The following IKBKE variants were observed in gnomAD, a reference collection of about 807,000 sequenced individuals.
IKBKE encodes the protein inhibitor of nuclear factor kappa-B kinase subunit epsilon.
Under a neutral mutation model 92.1 loss-of-function variants are expected in IKBKE, and 45 were observed. That is an observed-to-expected ratio of 0.49 (90% CI 0.38 to 0.63). The LOEUF (loss-of-function observed/expected upper bound fraction) is 0.63. Among genes scored for constraint, IKBKE ranks in the 20% least tolerant of loss-of-function variants. The pLI is 0.00. For synonymous variants in IKBKE, 374 were observed against 380.3 expected, an observed-to-expected ratio of 0.98 and a Z score of 0.19; for missense variants, 700 against 932.8, an observed-to-expected ratio of 0.75 and a Z score of 3.25.
In IKBKE at chr1:206,476,230, C is replaced by G. The variant is rs782697959; in HGVS notation, c.408C>G (p.Ile136Met). 2 of 1,614,174 alleles carry G rather than the reference C, an allele frequency of 1.2e-6. No individual in the cohort carries two copies. The highest frequency in any genetic ancestry group is 1.7e-6 in the Non-Finnish European group (2 of 1,180,032). ...AGAACGGCATTGTGCATCGCGACAT[C>G]AAGCCGGGGAACATCATGCGCCTCG... Reference protein sequence around the residue: ...LRENGIVHRDIKPGNIMRLVG... With the variant: ...LRENGIVHRDMKPGNIMRLVG... Residue 136 changes from isoleucine to methionine, a missense_variant, in exon 6 of 22, where the codon ATC (isoleucine) becomes ATG (methionine). Physicochemically the swap from Ile to Met is conservative, Grantham distance 10. Transcript: ENST00000581977. The surrounding 1 kb of genome is among the most constrained non-coding windows in gnomAD (Gnocchi z 5.1).
At position 206,476,452 on chromosome 1, in the gene IKBKE, C is replaced by A; in HGVS notation, c.540+90C>A. ...AGAGCCCCCATGAGGGGGTGTGGCCCACCTCCTGCTTCCACAGGAGTTATG... is the reference window on the plus strand; with the variant it reads ...AGAGCCCCCATGAGGGGGTGTGGCCAACCTCCTGCTTCCACAGGAGTTATG... On this transcript the variant is annotated intron_variant, in intron 6 of 21. Transcript: ENST00000581977. The surrounding 1 kb of genome is among the most constrained non-coding windows in gnomAD (Gnocchi z 5.1). 1 of 1,347,704 alleles carries A rather than the reference C, an allele frequency of 7.4e-7. No homozygotes were observed. Among genetic ancestry groups the A allele is most frequent in the Non-Finnish European group, 1.0e-6 (1 of 965,982 alleles). 83.5% of individuals were successfully genotyped at this position (1,347,704 alleles called of 1,614,324 possible).
chr1:206,494,986 TAA>T (rs33957066), intron 21 of IKBKE, among the ~76,000 whole-genome samples: 48,316 of 108,122 alleles, frequency 0.45, 8,517 homozygotes, highest in Middle Eastern at 0.6. Flanking sequence ...ACATTTGAAG[TAA>T]AAAAAAAAAA....
chr1:206,482,631 G>C (rs573370667), intron 13 of IKBKE, among the ~76,000 whole-genome samples: 1 of 152,354 alleles, frequency 6.6e-6, no homozygotes, highest in East Asian at 1.9e-4. Flanking sequence ...AAAAACAGTT[G>C]TGAGCAGGGA....
intron 21 of IKBKE, among the ~76,000 whole-genome samples, chr1:206,495,011 T>C (rs897425374): frequency 3.5e-5 from 5 of 144,596 alleles, no homozygotes; most frequent in Non-Finnish European, 7.5e-5. Flanking sequence ...AAAAAAGCCC[T>C]GTCATCTAGT....
intron 3 of IKBKE, among the ~76,000 whole-genome samples, chr1:206,473,685 C>T (rs1465926246): frequency 1.1e-4 from 16 of 152,108 alleles, no homozygotes; most frequent in Non-Finnish European, 7.4e-5. Context: ...GGTAGCCGGC[C>T]GGGCACGGTG....
At position 206,473,287 on chromosome 1, in the gene IKBKE, T is replaced by A. The variant is rs377693128; in HGVS notation, c.60T>A (p.Thr20=). 83 of 1,612,928 alleles carry A rather than the reference T, an allele frequency of 5.1e-5. No homozygotes were observed. In the Middle Eastern group the frequency reaches 1.3e-3, roughly 26 times the overall value. ...ATGACCTGCTGGGGCAGGGGGCCACTGCCAGTGTGTACAAGGCCCGCAACA... is the reference window on the plus strand; with the variant it reads ...ATGACCTGCTGGGGCAGGGGGCCACAGCCAGTGTGTACAAGGCCCGCAACA... ...HTDDLLGQGA[T]ASVYKARNKK... The change falls in exon 3 of 22, where the codon ACT becomes ACA. Residue 20 remains threonine, a synonymous_variant. Transcript: ENST00000581977.
In IKBKE at chr1:206,476,886, G is replaced by T. The variant is rs782486249; in HGVS notation, c.701+48G>T. 1 of 1,600,930 alleles carries T rather than the reference G, an allele frequency of 6.2e-7. No individual in the cohort carries two copies. The highest frequency in any genetic ancestry group is 8.6e-7 in the Non-Finnish European group (1 of 1,169,322). ...GAATGGGGCGGACTGGCAGTCCCCT[G>T]GCCCTTCCCCCACCGGTCCTTGCTG... On this transcript the variant is annotated intron_variant, in intron 7 of 21. Coordinates refer to ENST00000581977, the MANE Select transcript of IKBKE (RefSeq NM_014002.4). The surrounding 1 kb of genome is among the most constrained non-coding windows in gnomAD (Gnocchi z 5.1).
At position 206,473,738 on chromosome 1, in the gene IKBKE, C is replaced by T. The variant is rs924789160; in HGVS notation, c.87+424C>T. Among the ~76,000 whole-genome samples, 7 of 151,946 alleles carry T rather than the reference C, an allele frequency of 4.6e-5. No homozygotes were observed. In the South Asian group the frequency reaches 1.5e-3, roughly 32 times the overall value. ...CAGCACTTTGGGAGGCCGAGGTGGGCAGATCACGAGGTCAGGAGATCGAGA... is the reference window on the plus strand; with the variant it reads ...CAGCACTTTGGGAGGCCGAGGTGGGTAGATCACGAGGTCAGGAGATCGAGA... On this transcript the variant is annotated intron_variant, in intron 3 of 21. Transcript: ENST00000581977.
chr1:206,478,351 C>T lies in IKBKE; in HGVS notation c.992+12C>T, dbSNP rs1193917566. On this transcript the variant is annotated intron_variant, in intron 9 of 21. Transcript: ENST00000581977. The surrounding 1 kb of genome is among the most constrained non-coding windows in gnomAD (Gnocchi z 4.8). Reference sequence around the variant, plus strand: ...CATGCCCACAACACGTAAGTGGGGGCGAGGGAGGGAAGCGGTGAGAACCTT... The same window carrying T: ...CATGCCCACAACACGTAAGTGGGGGTGAGGGAGGGAAGCGGTGAGAACCTT... 30 of 1,610,180 alleles carry T rather than the reference C, an allele frequency of 1.9e-5. No individual in the cohort carries two copies. The highest frequency in any genetic ancestry group is 2.7e-5 in the African/African-American group (2 of 74,900).
chr1:206,475,395 G>A (rs1665004832), intron 5 of IKBKE, among the ~76,000 whole-genome samples: 1 of 152,188 alleles, frequency 6.6e-6, no homozygotes, highest in Non-Finnish European at 1.5e-5. Flanking sequence ...TCCAGTGGCT[G>A]GGGGCAGAGG....
rs1553391073 is a variant in IKBKE at position 206,493,109 on chromosome 1, G to A, written c.1922G>A (p.Ser641Asn). The A allele has an allele frequency of 6.3e-7, 1 of 1,590,668 alleles. No individual in the cohort carries two copies. Among genetic ancestry groups the A allele is most frequent in the Non-Finnish European group, 8.5e-7 (1 of 1,169,676 alleles). The change falls in exon 19 of 22, where the codon AGT becomes AAT. Residue 641 changes from serine (S) to asparagine (N), a missense_variant. Transcript: ENST00000581977. The part of the protein sequence containing the change: ...CNTEAQGVQE[S>N]LSKLLEELSH... Reference sequence around the variant, plus strand: ...ACAGAAGCCCAGGGGGTCCAGGAGAGTCTCAGCAAGGTGGGCATGGCAGAA... The same window carrying A: ...ACAGAAGCCCAGGGGGTCCAGGAGAATCTCAGCAAGGTGGGCATGGCAGAA...
At chr1:206,472,937 A>G in intron 2 of IKBKE, 2 of 426,854 alleles carry the variant, frequency 4.7e-6, no homozygotes, top group Non-Finnish European at 8.4e-6. Flanking sequence ...GAACGTGGGG[A>G]GCCAGGACAG....
rs565611660 is a variant in IKBKE, at chr1:206,479,111, T to G, written c.1161T>G (p.Pro387=). 48 of 1,608,652 alleles carry G rather than the reference T, an allele frequency of 3.0e-5. No individual in the cohort carries two copies. In the African/African-American group the frequency reaches 6.3e-4, roughly 21 times the overall value. Residue 387 remains proline (P), a synonymous_variant, in exon 10 of 22, where the codon CCT becomes CCG. Coordinates refer to ENST00000581977, the MANE Select transcript of IKBKE (RefSeq NM_014002.4). ...SPLTLFSTAI[P]KGLAFRDPAL... is the part of the protein sequence containing the mutation. Reference sequence around the variant, plus strand: ...TGACCCTCTTCAGCACAGCCATCCCTAAGGGGCTGGCCTTCAGGGACCGTG... The same window carrying G: ...TGACCCTCTTCAGCACAGCCATCCCGAAGGGGCTGGCCTTCAGGGACCGTG...
chr1:206,490,587 C>T lies in IKBKE; in HGVS notation c.1694-232C>T, dbSNP rs1665895376. Among the ~76,000 whole-genome samples the T allele has an allele frequency of 6.6e-6, 1 of 152,244 alleles. No homozygotes were observed. Among genetic ancestry groups the T allele is most frequent in the South Asian group, 2.1e-4 (1 of 4,836 alleles). Reference sequence around the variant, plus strand: ...GCCCTGCACTGCAGGCTGCCTTCCCCTGGGGCCCTCACACAATTTCCCCAT... The same window carrying T: ...GCCCTGCACTGCAGGCTGCCTTCCCTTGGGGCCCTCACACAATTTCCCCAT... On this transcript the variant is annotated intron_variant, in intron 16 of 21. Transcript: ENST00000581977. This position sits in a 1 kb window ranked among gnomAD's most constrained non-coding sequence, Gnocchi z 5.2.
At chr1:206,472,931 G>A (rs11117858) in intron 2 of IKBKE, 4 of 421,242 alleles carry the variant, frequency 9.5e-6, no homozygotes, top group South Asian at 2.6e-5. Flanking sequence ...TCAAGGGAAC[G>A]TGGGGAGCCA....
At position 206,478,372 on chromosome 1, in the gene IKBKE, A is replaced by G. The variant is rs1553386082; in HGVS notation, c.992+33A>G. 1 of 1,597,508 alleles carries G rather than the reference A, an allele frequency of 6.3e-7. No homozygotes were observed. Among genetic ancestry groups the G allele is most frequent in the East Asian group, 2.2e-5 (1 of 44,824 alleles). ...GGGGCGAGGGAGGGAAGCGGTGAGAACCTTCTCTACCCAAGCAGCAGTGCA... is the reference window on the plus strand; with the variant it reads ...GGGGCGAGGGAGGGAAGCGGTGAGAGCCTTCTCTACCCAAGCAGCAGTGCA... On this transcript the variant is annotated intron_variant, in intron 9 of 21. Transcript: ENST00000581977. The surrounding 1 kb of genome is among the most constrained non-coding windows in gnomAD (Gnocchi z 4.8).
rs372040382 is a variant in IKBKE, at chr1:206,485,356, C to T, written c.1616+50C>T. The T allele has an allele frequency of 8.1e-6, 9 of 1,104,892 alleles. No individual in the cohort carries two copies. Among genetic ancestry groups the T allele is most frequent in the East Asian group, 7.1e-5 (3 of 42,116 alleles). The allele number at this position is 1,104,892 out of a possible 1,614,324, so 68.4% of individuals were successfully genotyped here. ...GGGGTGGGAGTGGGGGAGTGGGCAG[C>T]TCCAAAGGTCCAGTAACCTTTAGCC... On this transcript the variant is annotated intron_variant, in intron 15 of 21. Transcript: ENST00000581977. The surrounding 1 kb of genome is among the most constrained non-coding windows in gnomAD (Gnocchi z 5.0).
intron 13 of IKBKE, among the ~76,000 whole-genome samples, chr1:206,481,167 C>T (rs1665365864): frequency 6.6e-6 from 1 of 152,166 alleles, no homozygotes; most frequent in South Asian, 2.1e-4. Flanking sequence ...GGCCAGAGCA[C>T]GATTGAGAAG....
intron 18 of IKBKE, 121 bp downstream of exon 18, chr1:206,491,870 A>G: frequency 1.4e-6 from 1 of 695,058 alleles, no homozygotes; most frequent in Non-Finnish European, 2.5e-6. Flanking sequence ...GGGTGTGAGC[A>G]GAGGAGTGGT....
Sources: gnomAD v4.1 joint callset for allele counts (sites outside exome capture counted in the v4.1 genomes callset) on GRCh38, gnomAD v4.1.1 for gene constraint, Gnocchi (gnomAD v3.1) non-coding constraint, MANE v1.5 for transcripts, NCBI Gene and HGNC (gene_info 2026-07-23, HGNC 2026-07-21) for gene names.